The following PAPSS1 variants were observed in gnomAD, a reference collection of about 807,000 sequenced individuals.
PAPSS1 encodes bifunctional 3'-phosphoadenosine 5'-phosphosulfate synthase 1.
A neutral mutation model predicts 72.0 loss-of-function variants in PAPSS1; 50 were observed. That is an observed-to-expected ratio of 0.69 (90% CI 0.55 to 0.88). PAPSS1 has a LOEUF of 0.88. PAPSS1 is among the 40% of genes least tolerant of loss of function. The pLI is 0.00. For synonymous variants in PAPSS1, 261 were observed against 263.6 expected, an observed-to-expected ratio of 0.99 and a Z score of 0.09; for missense variants, 657 against 782.2, an observed-to-expected ratio of 0.84 and a Z score of 1.91.
chr4:107,627,581 T>C (rs1251978298), intron 11 of PAPSS1, among the ~76,000 whole-genome samples: 2 of 152,160 alleles, frequency 1.3e-5, no homozygotes, highest in African/African-American at 4.8e-5. Context: ...ACTAAGTAAA[T>C]TAGAATTTTT....
chr4:107,687,250 A>G, intron 3 of PAPSS1, 73 bp from the exon 4 acceptor site: 1 of 1,112,102 alleles, frequency 9.0e-7, no homozygotes, highest in Non-Finnish European at 1.2e-6. Context: ...AGATGAGTAA[A>G]AAGTGCTTCT....
At chr4:107,629,561 A>T (rs1726180523) in intron 11 of PAPSS1, among the ~76,000 whole-genome samples, 1 of 152,194 alleles carries the variant, frequency 6.6e-6, no homozygotes, top group Admixed American at 6.5e-5. Flanking sequence ...CAAAGCTTTC[A>T]ATGGACATTT....
chr4:107,666,945 T>C (rs1212949422), intron 5 of PAPSS1, among the ~76,000 whole-genome samples: 1 of 152,138 alleles, frequency 6.6e-6, no homozygotes, highest in Non-Finnish European at 1.5e-5. Context: ...CCCTAAGTGA[T>C]CAATGTGCCT....
At position 107,645,575 on chromosome 4, in the gene PAPSS1, G is replaced by A. The variant is rs138344671; in HGVS notation, c.1238-505C>T. ...ATGCTCACTTACAATTACTTTGCTCGACTAGAACCATATTTTGTTTTATGA... is the reference window on the plus strand; with the variant it reads ...ATGCTCACTTACAATTACTTTGCTCAACTAGAACCATATTTTGTTTTATGA... On this transcript the variant is annotated intron_variant, in intron 9 of 11. Coordinates refer to ENST00000265174, the MANE Select transcript of PAPSS1 (RefSeq NM_005443.5). Among the ~76,000 whole-genome samples, 20 of 152,232 alleles carry A rather than the reference G, an allele frequency of 1.3e-4. No individual in the cohort carries two copies. The East Asian group carries it at 2.5e-3, about 19-fold the overall frequency.
intron 2 of PAPSS1, among the ~76,000 whole-genome samples, chr4:107,695,957 C>T (rs1449868830): frequency 6.6e-6 from 1 of 151,276 alleles, no homozygotes; most frequent in Non-Finnish European, 1.5e-5. Flanking sequence ...AGGTGGCCAA[C>T]AAACATGAAA....
intron 4 of PAPSS1, among the ~76,000 whole-genome samples, chr4:107,682,836 T>C (rs1424039423): frequency 6.6e-6 from 1 of 152,260 alleles, no homozygotes; most frequent in Non-Finnish European, 1.5e-5. Context: ...AGGCTTCTTC[T>C]GCCATCAGAT....
At chr4:107,638,897 G>T (rs371930120) in intron 10 of PAPSS1, among the ~76,000 whole-genome samples, 11 of 152,278 alleles carry the variant, frequency 7.2e-5, no homozygotes, top group African/African-American at 2.6e-4. Context: ...GGGACTTGGA[G>T]AATTCAAATA....
rs147807562 is a variant in PAPSS1 at position 107,620,114 on chromosome 4, T to C, written c.1737-5727A>G. 1.5e-4 allele frequency among the ~76,000 whole-genome samples: 23 copies of C among 152,328 alleles called. No individual in the cohort carries two copies. The East Asian group carries it at 3.3e-3, about 22-fold the overall frequency. ...TGGGGTCAGCAGATGGCCCTTCAAGTATATCTTTTGAAGGTTCATATTCGA... is the reference window on the plus strand; with the variant it reads ...TGGGGTCAGCAGATGGCCCTTCAAGCATATCTTTTGAAGGTTCATATTCGA... On this transcript the variant is annotated intron_variant, in intron 11 of 11. Transcript: ENST00000265174.
At chr4:107,673,004 A>T (rs113087403) in intron 5 of PAPSS1, among the ~76,000 whole-genome samples, 5,726 of 152,316 alleles carry the variant, frequency 0.038, 328 homozygotes, top group African/African-American at 0.13. Context: ...GAGGGTCCTG[A>T]CTGTTAGAAG....
At chr4:107,658,846 C>A (rs1480071733) in intron 6 of PAPSS1, among the ~76,000 whole-genome samples, 1 of 152,138 alleles carries the variant, frequency 6.6e-6, no homozygotes, top group Non-Finnish European at 1.5e-5. Context: ...AACCCCAATG[C>A]TACCATACTT....
intron 5 of PAPSS1, among the ~76,000 whole-genome samples, chr4:107,678,554 A>T (rs1727721109): frequency 1.3e-5 from 2 of 152,134 alleles, no homozygotes; most frequent in Non-Finnish European, 2.9e-5. Context: ...TTAGCAGAAC[A>T]TGGGAGGAAG....
chr4:107,717,097 C>T (rs1262551968), intron 1 of PAPSS1, among the ~76,000 whole-genome samples: 1 of 151,518 alleles, frequency 6.6e-6, no homozygotes, highest in East Asian at 1.9e-4. Flanking sequence ...AAAAAAACTC[C>T]AGATTTCTAT....
At chr4:107,715,960 A>G (rs1188475988) in intron 1 of PAPSS1, among the ~76,000 whole-genome samples, 1 of 152,230 alleles carries the variant, frequency 6.6e-6, no homozygotes, top group Non-Finnish European at 1.5e-5. Flanking sequence ...TGTTCCCAAG[A>G]TCACCCAGAT....
chr4:107,641,967 T>G (rs949322898), intron 10 of PAPSS1, among the ~76,000 whole-genome samples: 2 of 152,182 alleles, frequency 1.3e-5, no homozygotes, highest in Admixed American at 6.5e-5. Context: ...GGCAATGTGT[T>G]AAATGATTTA....
Position 107,659,972 on chromosome 4 carries a change from A to G in PAPSS1, c.770T>C (p.Leu257Pro), listed in dbSNP as rs775870685. 3 of 1,579,130 alleles carry G rather than the reference A, an allele frequency of 1.9e-6. No homozygotes were observed. Among genetic ancestry groups the G allele is most frequent in the South Asian group, 2.2e-5 (2 of 89,732 alleles). Residue 257 changes from leucine to proline, a missense_variant, in exon 6 of 12, where the codon CTG becomes CCG. Physicochemically the swap from Leu to Pro is moderately conservative, Grantham distance 98. This residue lies in a region of PAPSS1 where 190 missense variants were observed against 176.7 expected (regional missense o/e 1.07). Transcript: ENST00000265174. The part of the protein sequence containing the change: ...AKTDAETLPA[L>P]KINKVDMQWV... ...CGAAGAACTTACTTTATTAATTTTCAGTGCTGGTAATGTTTCCGCATCTGT... is the reference window on the plus strand; with the variant it reads ...CGAAGAACTTACTTTATTAATTTTCGGTGCTGGTAATGTTTCCGCATCTGT...
intron 10 of PAPSS1, among the ~76,000 whole-genome samples, chr4:107,642,515 TATAAC>T (rs1487104246): frequency 9.2e-5 from 14 of 152,340 alleles, no homozygotes; most frequent in African/African-American, 2.6e-4. Flanking sequence ...ACAAATAACT[TATAAC>T]ATAAGTTATA....
At chr4:107,685,821 C>T (rs1722768865) in intron 4 of PAPSS1, among the ~76,000 whole-genome samples, 1 of 152,148 alleles carries the variant, frequency 6.6e-6, no homozygotes, top group African/African-American at 2.4e-5. Context: ...TTTTTGTTTT[C>T]AGGGCCAGAA....
chr4:107,628,544 C>T (rs1726154214), intron 11 of PAPSS1, among the ~76,000 whole-genome samples: 1 of 152,094 alleles, frequency 6.6e-6, no homozygotes, highest in African/African-American at 2.4e-5. Context: ...AGGCCATAGT[C>T]AATTTCCAAT....
At chr4:107,615,114 C>A (rs1725787371) in intron 11 of PAPSS1, among the ~76,000 whole-genome samples, 1 of 151,512 alleles carries the variant, frequency 6.6e-6, no homozygotes, top group African/African-American at 2.4e-5. Context: ...CAGCAAGTAG[C>A]AATAATCAAT....
Sources: gnomAD v4.1 joint callset for allele counts (sites outside exome capture counted in the v4.1 genomes callset) on GRCh38, gnomAD v4.1.1 for gene constraint, gnomAD v4.1.1 regional missense constraint, MANE v1.5 for transcripts, NCBI Gene and HGNC (gene_info 2026-07-23, HGNC 2026-07-21) for gene names.